The following EVI5 variants were observed in gnomAD, a reference collection of about 807,000 sequenced individuals.
EVI5 encodes the protein ecotropic viral integration site 5.
A neutral mutation model predicts 112.0 loss-of-function variants in EVI5; 73 were observed. That is an observed-to-expected ratio of 0.65 (90% CI 0.54 to 0.79). The LOEUF (loss-of-function observed/expected upper bound fraction) is 0.79. EVI5 is among the 30% of genes least tolerant of loss of function. The probability of loss-of-function intolerance (pLI) is 0.00; values close to 1 mark genes in which losing one functional copy is unlikely to be tolerated. For missense variants in EVI5, 900 were observed against 968.8 expected (o/e 0.93, Z 0.94); for synonymous variants, 305 against 319.9 (o/e 0.95, Z 0.50).
intron 16 of EVI5, among the ~76,000 whole-genome samples, chr1:92,617,228 C>T (rs1653399338): frequency 2.0e-5 from 3 of 152,198 alleles, no homozygotes; most frequent in Admixed American, 2.0e-4. Flanking sequence ...GAGCAGAGCA[C>T]TTGGTTGTGC....
At chr1:92,694,862 G>T (rs1433767073) in intron 7 of EVI5, among the ~76,000 whole-genome samples, 2 of 152,166 alleles carry the variant, frequency 1.3e-5, no homozygotes, top group African/African-American at 4.8e-5. Flanking sequence ...ACAACAACCT[G>T]CAATGTGTTC....
At position 92,736,562 on chromosome 1, in the gene EVI5, C is replaced by T. The variant is rs140717428; in HGVS notation, c.-16G>A. The T allele has an allele frequency of 4.3e-6, 7 of 1,613,874 alleles. No homozygotes were observed. The highest frequency in any genetic ancestry group is 2.7e-5 in the African/African-American group (2 of 74,996). On this transcript the variant is annotated 5_prime_UTR_variant, in exon 2 of 20. Coordinates refer to ENST00000684568, the MANE Select transcript of EVI5 (RefSeq NM_001350197.2). ...GACTGGCCATCTGACTGACTGTATG[C>T]GATACTGTGTTCTTCACCCATGAGA...
chr1:92,786,857 T>G (rs1403553584), upstream of EVI5, among the ~76,000 whole-genome samples: 5 of 152,214 alleles, frequency 3.3e-5, no homozygotes, highest in Non-Finnish European at 7.3e-5. Context: ...CCCTGCTGTC[T>G]GTGCTCCAGC....
At chr1:92,790,077 C>T (rs1342365084), upstream of EVI5, among the ~76,000 whole-genome samples, 2 of 151,984 alleles carry the variant, frequency 1.3e-5, no homozygotes, top group Non-Finnish European at 2.9e-5. Context: ...TTTGGGAGGC[C>T]AAGACAGGAG....
Position 92,625,781 on chromosome 1 carries a change from T to C in EVI5, c.1668+13A>G. 1 of 1,605,692 alleles carries C rather than the reference T, an allele frequency of 6.2e-7. No individual in the cohort carries two copies. Among genetic ancestry groups the C allele is most frequent in the Non-Finnish European group, 8.5e-7 (1 of 1,176,790 alleles). ...CTCTCTTTTAAAAAAGCACACAAAATATATTAATATACCTGCCAGTGTTCC... is the reference window on the plus strand; with the variant it reads ...CTCTCTTTTAAAAAAGCACACAAAACATATTAATATACCTGCCAGTGTTCC... On this transcript the variant is annotated intron_variant, in intron 15 of 19. Coordinates refer to ENST00000684568, the MANE Select transcript of EVI5 (RefSeq NM_001350197.2).
chr1:92,694,402 T>A lies in EVI5; in HGVS notation c.910-14A>T. On this transcript the variant is annotated splice_polypyrimidine_tract_variant and intron_variant, in intron 7 of 19. Transcript: ENST00000684568. ...TATTTCTAAACCCTGAGGAAACAAA[T>A]TAAATAAATCCAAATTTATGTTACT... The A allele has an allele frequency of 1.4e-6, 2 of 1,472,340 alleles. No homozygotes were observed. The highest frequency in any genetic ancestry group is 1.9e-6 in the Non-Finnish European group (2 of 1,068,342). 91.2% of individuals were successfully genotyped at this position (1,472,340 alleles called of 1,614,324 possible).
chr1:92,632,134 A>T (rs988941637), intron 14 of EVI5, among the ~76,000 whole-genome samples: 1 of 152,136 alleles, frequency 6.6e-6, no homozygotes, highest in Non-Finnish European at 1.5e-5. Flanking sequence ...TATTGGTCTA[A>T]AATTCTCTTT....
intron 14 of EVI5, among the ~76,000 whole-genome samples, chr1:92,635,532 G>A (rs191173443): frequency 4.6e-5 from 7 of 152,276 alleles, no homozygotes; most frequent in East Asian, 1.9e-4. Context: ...TCGGAAAAGC[G>A]CAGTATTAGG....
intron 16 of EVI5, chr1:92,622,294 T>C: frequency 2.2e-6 from 1 of 446,810 alleles, no homozygotes; most frequent in South Asian, 1.6e-5. Flanking sequence ...TACTTGGTTT[T>C]ACGCATTAAA....
upstream of EVI5, among the ~76,000 whole-genome samples, chr1:92,789,485 G>A (rs561144800): frequency 6.6e-6 from 1 of 152,152 alleles, no homozygotes; most frequent in South Asian, 2.1e-4. Flanking sequence ...TGTATTTTTA[G>A]TAGAAACGGG....
At chr1:92,548,607 A>C (rs1274698908) in intron 19 of EVI5, among the ~76,000 whole-genome samples, 1 of 152,220 alleles carries the variant, frequency 6.6e-6, no homozygotes, top group Non-Finnish European at 1.5e-5. Flanking sequence ...CCATCGTCTC[A>C]GCCCAAAATC....
chr1:92,735,576 T>TATGTATATA (rs1267925301), intron 2 of EVI5, among the ~76,000 whole-genome samples: 26 of 147,632 alleles, frequency 1.8e-4, no homozygotes, highest in African/African-American at 5.9e-4. Flanking sequence ...TGCTCTTCCA[T>TATGTATATA]ATGTATATAA....
chr1:92,753,133 C>A (rs1300764655), intron 1 of EVI5, among the ~76,000 whole-genome samples: 69 of 140,142 alleles, frequency 4.9e-4, no homozygotes, highest in East Asian at 1.0e-3. Flanking sequence ...AAGAGTCAGG[C>A]AAAAAAAAAA....
intron 13 of EVI5, among the ~76,000 whole-genome samples, chr1:92,651,863 A>T (rs1383560120): frequency 6.7e-6 from 1 of 149,564 alleles, no homozygotes; most frequent in Non-Finnish European, 1.5e-5. Flanking sequence ...AAAAAAAAAA[A>T]AAAGAAAGAA....
intron 19 of EVI5, among the ~76,000 whole-genome samples, chr1:92,532,822 A>T (rs1663104124): frequency 6.6e-6 from 1 of 152,184 alleles, no homozygotes; most frequent in African/African-American, 2.4e-5. Context: ...AAATGCCTAC[A>T]AGAGGAAGCA....
chr1:92,733,136 A>T (rs146583196), intron 2 of EVI5: 58 of 226,342 alleles, frequency 2.6e-4, no homozygotes, highest in African/African-American at 1.3e-3. Flanking sequence ...CCTTATCCTT[A>T]GAACTTACTT....
At chr1:92,626,005 T>G in intron 14 of EVI5, 71 bp from the exon 15 acceptor site, 1 of 909,792 alleles carries the variant, frequency 1.1e-6, no homozygotes, top group Non-Finnish European at 1.8e-6. Context: ...ACAACAGCTA[T>G]TGTGTTCCAC....
rs1007067181 is a variant in EVI5 at position 92,700,172 on chromosome 1, G to C, written c.639+1969C>G. Among the ~76,000 whole-genome samples the C allele has an allele frequency of 3.9e-5, 6 of 152,274 alleles. No individual in the cohort carries two copies. In the South Asian group the frequency reaches 1.0e-3, roughly 26 times the overall value. On this transcript the variant is annotated intron_variant, in intron 5 of 19. Transcript: ENST00000684568. ...AAGAAATCAAGACACTTGAGTCCTA[G>C]AGCAATGTGCTGCTACATAACTTTC...
In EVI5 at chr1:92,572,220, T is replaced by C. The variant is rs141859232; in HGVS notation, c.2071-8483A>G. ...TTAATGATATGCATATTTAAGTGTTTAGGGGTAAAGTATAACAAAGTAACT... is the reference window on the plus strand; with the variant it reads ...TTAATGATATGCATATTTAAGTGTTCAGGGGTAAAGTATAACAAAGTAACT... On this transcript the variant is annotated intron_variant, in intron 18 of 19. Coordinates refer to ENST00000684568, the MANE Select transcript of EVI5 (RefSeq NM_001350197.2). Among the ~76,000 whole-genome samples, 535 of 152,230 alleles carry C rather than the reference T, an allele frequency of 3.5e-3. 3 individuals are homozygous for C. The highest frequency in any genetic ancestry group is 0.012 in the African/African-American group (507 of 41,550).
Sources: allele counts gnomAD v4.1 joint callset (sites outside exome capture counted in the v4.1 genomes callset), GRCh38; gene constraint gnomAD v4.1.1; transcripts MANE v1.5; gene names NCBI Gene and HGNC (gene_info 2026-07-23, HGNC 2026-07-21).